Variants in MLLT3 observed in about 807,000 individuals in gnomAD.
The protein encoded by MLLT3 is protein AF-9.
A neutral mutation model predicts 53.2 loss-of-function variants in MLLT3; 4 were observed. That is an observed-to-expected ratio of 0.08 (90% CI 0.04 to 0.17). MLLT3 has a LOEUF of 0.17. MLLT3 is among the 10% of genes least tolerant of loss of function. MLLT3 has a pLI of 1.00. For missense variants in MLLT3, 569 were observed against 684.0 expected, an observed-to-expected ratio of 0.83 and a Z score of 1.87; for synonymous variants, 283 against 230.6, an observed-to-expected ratio of 1.23 and a Z score of -2.06.
chr9:20,583,798 T>G (rs576874429), intron 2 of MLLT3, among the ~76,000 whole-genome samples: 1 of 152,140 alleles, frequency 6.6e-6, no homozygotes, highest in African/African-American at 2.4e-5. Context: ...CAAAACCACT[T>G]TTTCTTCCTG....
At chr9:20,454,235 G>A (rs1050851121) in intron 3 of MLLT3, among the ~76,000 whole-genome samples, 2 of 144,706 alleles carry the variant, frequency 1.4e-5, no homozygotes, top group Non-Finnish European at 3.1e-5. Flanking sequence ...AGACTGAAGT[G>A]TGTGTGTGTG....
At chr9:20,560,710 C>G (rs1278540633) in intron 2 of MLLT3, among the ~76,000 whole-genome samples, 14 of 152,252 alleles carry the variant, frequency 9.2e-5, no homozygotes, top group Non-Finnish European at 1.6e-4. Flanking sequence ...TAACAGGAGA[C>G]AGCATTCTAT....
intron 2 of MLLT3, among the ~76,000 whole-genome samples, chr9:20,594,114 G>T (rs1314918310): frequency 6.6e-6 from 1 of 151,704 alleles, no homozygotes; most frequent in Non-Finnish European, 1.5e-5. Flanking sequence ...CTAATTTTTT[G>T]TATTTTAGTA....
At chr9:20,599,458 T>TAA (rs11354753) in intron 2 of MLLT3, among the ~76,000 whole-genome samples, 84 of 142,520 alleles carry the variant, frequency 5.9e-4, no homozygotes, top group Middle Eastern at 3.6e-3. Context: ...ACCAGATGTT[T>TAA]AAAAAAAAAA....
chr9:20,414,466 A>G, intron 4 of MLLT3, 41 bp from the exon 5 acceptor site: 1 of 1,595,442 alleles, frequency 6.3e-7, no homozygotes, highest in Non-Finnish European at 8.5e-7. Flanking sequence ...CCAAAACTAA[A>G]TAGCAATGAA....
intron 2 of MLLT3, among the ~76,000 whole-genome samples, chr9:20,617,618 G>A (rs1391662831): frequency 6.6e-6 from 1 of 152,160 alleles, no homozygotes; most frequent in Admixed American, 6.5e-5. Flanking sequence ...TATCAGACTA[G>A]TACAAATCTT....
intron 2 of MLLT3, among the ~76,000 whole-genome samples, chr9:20,465,175 C>G (rs1480457924): frequency 1.3e-5 from 2 of 152,020 alleles, no homozygotes; most frequent in Non-Finnish European, 2.9e-5. Context: ...GAAAAGCTAT[C>G]TACACAAGGG....
At chr9:20,588,064 AG>A (rs1437818030) in intron 2 of MLLT3, among the ~76,000 whole-genome samples, 18 of 151,434 alleles carry the variant, frequency 1.2e-4, no homozygotes, top group Non-Finnish European at 2.1e-4. Context: ...ACATATGGCT[AG>A]CCAGTTTTCC....
chr9:20,584,986 T>C (rs1244775778), intron 2 of MLLT3, among the ~76,000 whole-genome samples: 1 of 152,260 alleles, frequency 6.6e-6, no homozygotes, highest in African/African-American at 2.4e-5. Context: ...GGCAGGTTTC[T>C]GTGTGGACAT....
At chr9:20,423,088 T>C (rs1384789654) in intron 4 of MLLT3, among the ~76,000 whole-genome samples, 1 of 152,184 alleles carries the variant, frequency 6.6e-6, no homozygotes, top group Non-Finnish European at 1.5e-5. Flanking sequence ...GAGATGGTCT[T>C]GCTCTGTTGC....
Position 20,522,941 on chromosome 9 carries a change from A to C in MLLT3, c.194-66155T>G, listed in dbSNP as rs561183198. 2.0e-5 allele frequency among the ~76,000 whole-genome samples: 3 copies of C among 152,192 alleles called. No individual in the cohort carries two copies. In the East Asian group the frequency reaches 5.8e-4, roughly 29 times the overall value. On this transcript the variant is annotated intron_variant, in intron 2 of 10. Coordinates refer to ENST00000380338, the MANE Select transcript of MLLT3 (RefSeq NM_004529.4). ...TGTGCCACTGCACTCCAGCCTGGGCAACAGAGTGAGACCCTGTCTTAAAAA... is the reference window on the plus strand; with the variant it reads ...TGTGCCACTGCACTCCAGCCTGGGCCACAGAGTGAGACCCTGTCTTAAAAA...
At chr9:20,556,225 T>G (rs1030157395) in intron 2 of MLLT3, among the ~76,000 whole-genome samples, 1 of 152,222 alleles carries the variant, frequency 6.6e-6, no homozygotes, top group African/African-American at 2.4e-5. Context: ...TTTGATCAAC[T>G]CCATTCCACA....
intron 2 of MLLT3, among the ~76,000 whole-genome samples, chr9:20,530,828 A>G (rs1818314319): frequency 6.6e-6 from 1 of 152,156 alleles, no homozygotes; most frequent in Non-Finnish European, 1.5e-5. Context: ...ATGGGGTTTC[A>G]CTATGTTGGC....
intron 2 of MLLT3, among the ~76,000 whole-genome samples, chr9:20,493,634 T>C (rs1825007867): frequency 1.3e-5 from 2 of 152,024 alleles, no homozygotes; most frequent in African/African-American, 4.8e-5. Context: ...TAAAAATTAT[T>C]ACCTAAATGG....
chr9:20,473,640 CACCAGATAATACTCAAACATTTCCCATA>C (rs934775027), intron 2 of MLLT3, among the ~76,000 whole-genome samples: 2 of 151,946 alleles, frequency 1.3e-5, no homozygotes, highest in African/African-American at 4.8e-5. Flanking sequence ...AAGCTTAATC[CACCAGATAATACTCAAACATTTCCCATA>C]AGAACTGTCA....
At chr9:20,452,882 A>C (rs930014620) in intron 3 of MLLT3, among the ~76,000 whole-genome samples, 1 of 152,202 alleles carries the variant, frequency 6.6e-6, no homozygotes, top group Admixed American at 6.5e-5. Flanking sequence ...TGAATTGTCA[A>C]TCAATAGGCA....
chr9:20,469,367 T>C (rs1824316232), intron 2 of MLLT3, among the ~76,000 whole-genome samples: 1 of 152,156 alleles, frequency 6.6e-6, no homozygotes, highest in Non-Finnish European at 1.5e-5. Context: ...TGTAAAAAGC[T>C]CTTGAATGTT....
At chr9:20,481,847 G>C (rs978402953) in intron 2 of MLLT3, among the ~76,000 whole-genome samples, 2 of 152,128 alleles carry the variant, frequency 1.3e-5, no homozygotes, top group Admixed American at 1.3e-4. Flanking sequence ...TTTTAAAAAA[G>C]TCAACTAGAA....
chr9:20,587,651 G>A (rs1368863989), intron 2 of MLLT3, among the ~76,000 whole-genome samples: 3 of 152,198 alleles, frequency 2.0e-5, no homozygotes, highest in Non-Finnish European at 2.9e-5. Context: ...TTTGAGAAGT[G>A]TCTGTTCATG....
Sources: allele counts gnomAD v4.1 joint callset (sites outside exome capture counted in the v4.1 genomes callset), GRCh38; gene constraint gnomAD v4.1.1; transcripts MANE v1.5; gene names NCBI Gene and HGNC (gene_info 2026-07-23, HGNC 2026-07-21).